The following SLC8A1 variants were observed in gnomAD, a reference collection of about 807,000 sequenced individuals.
SLC8A1 encodes the protein solute carrier family 8 member A1.
A neutral mutation model predicts 68.3 loss-of-function variants in SLC8A1; 18 were observed. The observed-to-expected ratio is 0.26, with a 90% CI of 0.18 to 0.39. The LOEUF (loss-of-function observed/expected upper bound fraction) is 0.39, where lower values mean the gene tolerates loss of function less well. Among genes scored for constraint, SLC8A1 ranks in the 10% least tolerant of loss-of-function variants. SLC8A1 has a pLI of 1.00. For missense variants in SLC8A1, 985 were observed against 1,156.7 expected, an observed-to-expected ratio of 0.85 and a Z score of 2.15; for synonymous variants, 475 against 415.5, an observed-to-expected ratio of 1.14 and a Z score of -1.74.
At chr2:40,403,048 G>A (rs1300691830) in intron 2 of SLC8A1, among the ~76,000 whole-genome samples, 1 of 152,152 alleles carries the variant, frequency 6.6e-6, no homozygotes, top group Non-Finnish European at 1.5e-5. Context: ...ACACTCAAAT[G>A]TATAAGATGT....
At chr2:40,154,080 A>G (rs894454979) in intron 6 of SLC8A1, among the ~76,000 whole-genome samples, 7 of 152,160 alleles carry the variant, frequency 4.6e-5, no homozygotes, top group Non-Finnish European at 2.9e-5. Context: ...GGGGTTTCAT[A>G]TTCCAGCTAA....
chr2:40,442,067 G>A (rs1379067121), intron 1 of SLC8A1, among the ~76,000 whole-genome samples: 1 of 101,056 alleles, frequency 9.9e-6, no homozygotes, highest in Non-Finnish European at 1.9e-5. Context: ...GGGGAGGGGG[G>A]AGGGATAGCA....
chr2:40,378,181 A>G (rs1386227423), intron 2 of SLC8A1, among the ~76,000 whole-genome samples: 1 of 152,120 alleles, frequency 6.6e-6, no homozygotes, highest in African/African-American at 2.4e-5. Context: ...TGAAATGCCT[A>G]GTATATTTCA....
intron 2 of SLC8A1, among the ~76,000 whole-genome samples, chr2:40,192,187 C>G (rs906328676): frequency 2.0e-5 from 3 of 152,048 alleles, no homozygotes. Flanking sequence ...ACTGAGCAAA[C>G]TTAGATTTCT....
chr2:40,258,260 A>C (rs565499850), intron 2 of SLC8A1, among the ~76,000 whole-genome samples: 2 of 152,308 alleles, frequency 1.3e-5, no homozygotes, highest in South Asian at 4.1e-4. Flanking sequence ...TCCTTCATTA[A>C]GTGAGCATGT....
intron 2 of SLC8A1, among the ~76,000 whole-genome samples, chr2:40,199,459 T>C (rs1170628545): frequency 6.6e-6 from 1 of 151,620 alleles, no homozygotes; most frequent in African/African-American, 2.4e-5. Flanking sequence ...TGTACTGTAC[T>C]GCAGGTGATC....
At chr2:40,320,278 C>T (rs1328165735) in intron 2 of SLC8A1, among the ~76,000 whole-genome samples, 2 of 151,862 alleles carry the variant, frequency 1.3e-5, no homozygotes, top group African/African-American at 4.8e-5. Context: ...AATAAACATC[C>T]GATGTTTTCA....
At chr2:40,358,049 A>G (rs918021795) in intron 2 of SLC8A1, among the ~76,000 whole-genome samples, 4 of 113,136 alleles carry the variant, frequency 3.5e-5, no homozygotes, top group Non-Finnish European at 7.8e-5. Context: ...CAACTGAAGG[A>G]AAAAAAAAAA....
chr2:40,308,367 C>A (rs2073054015), intron 2 of SLC8A1, among the ~76,000 whole-genome samples: 1 of 152,052 alleles, frequency 6.6e-6, no homozygotes, highest in Non-Finnish European at 1.5e-5. Context: ...GTTTTTTCTG[C>A]AAAGGTAGAC....
intron 7 of SLC8A1, among the ~76,000 whole-genome samples, chr2:40,123,475 C>G (rs377010036): frequency 3.0e-4 from 46 of 152,308 alleles, no homozygotes; most frequent in African/African-American, 1.1e-3. Flanking sequence ...TACACACACT[C>G]ACTTCACTGG....
chr2:40,301,644 C>A (rs1241186258), intron 2 of SLC8A1, among the ~76,000 whole-genome samples: 1 of 152,074 alleles, frequency 6.6e-6, no homozygotes, highest in Non-Finnish European at 1.5e-5. Flanking sequence ...GGGCTGGGTG[C>A]GGTGGCTTAC....
At chr2:40,115,276 A>C in exon 8 of SLC8A1, 2 of 1,612,130 alleles carry the variant, frequency 1.2e-6, no homozygotes, top group South Asian at 1.1e-5. Flanking sequence ...ATGTGGCAGT[A>C]GGCCTCCAGG....
At chr2:40,309,808 C>A (rs1445436300) in intron 2 of SLC8A1, among the ~76,000 whole-genome samples, 1 of 152,012 alleles carries the variant, frequency 6.6e-6, no homozygotes, top group Non-Finnish European at 1.5e-5. Flanking sequence ...CCATCCTAAC[C>A]ATTTTTTATT....
intron 2 of SLC8A1, among the ~76,000 whole-genome samples, chr2:40,364,395 T>G (rs1675424219): frequency 6.6e-6 from 1 of 151,854 alleles, no homozygotes; most frequent in African/African-American, 2.4e-5. Flanking sequence ...GTAATACACT[T>G]TATTGATTCA....
intron 2 of SLC8A1, among the ~76,000 whole-genome samples, chr2:40,191,130 A>G (rs1236602293): frequency 6.6e-6 from 1 of 152,178 alleles, no homozygotes; most frequent in African/African-American, 2.4e-5. Context: ...AAGTAATTAA[A>G]TATAGTATAA....
At chr2:40,384,934 A>C (rs996141133) in intron 2 of SLC8A1, among the ~76,000 whole-genome samples, 1 of 152,058 alleles carries the variant, frequency 6.6e-6, no homozygotes, top group Non-Finnish European at 1.5e-5. Context: ...AGGATTGCAT[A>C]ATCAAGGTCA....
intron 1 of SLC8A1, among the ~76,000 whole-genome samples, chr2:40,444,088 G>T (rs987838427): frequency 3.3e-5 from 5 of 152,100 alleles, no homozygotes; most frequent in African/African-American, 1.2e-4. Flanking sequence ...TATAATCCCA[G>T]CACTTTGGGA....
At chr2:40,313,896 T>C (rs995364532) in intron 2 of SLC8A1, among the ~76,000 whole-genome samples, 1 of 152,094 alleles carries the variant, frequency 6.6e-6, no homozygotes, top group Non-Finnish European at 1.5e-5. Context: ...AATTGTTAAA[T>C]TTTGAGCATT....
intron 2 of SLC8A1, among the ~76,000 whole-genome samples, chr2:40,202,132 A>C (rs1173413525): frequency 3.3e-5 from 5 of 152,002 alleles, no homozygotes; most frequent in Non-Finnish European, 7.4e-5. Context: ...GCAAAGTGCA[A>C]GGAATGAAAA....
Sources: gnomAD v4.1 joint callset for allele counts (sites outside exome capture counted in the v4.1 genomes callset) on GRCh38, gnomAD v4.1.1 for gene constraint, MANE v1.5 for transcripts, NCBI Gene and HGNC (gene_info 2026-07-23, HGNC 2026-07-21) for gene names.